CEP164: variants seen among roughly 807,000 people sequenced by gnomAD.
CEP164 encodes the protein centrosomal protein 164.
In CEP164, 162 loss-of-function variants were observed where a neutral mutation model predicts 182.7. That is an observed-to-expected ratio of 0.89 (90% CI 0.78 to 1.01). The LOEUF (loss-of-function observed/expected upper bound fraction) is 1.01. Ranked by LOEUF, CEP164 falls within the 50% of genes least tolerant of loss-of-function variation. The pLI is 0.00. For synonymous variants in CEP164, 661 were observed against 690.0 expected (o/e 0.96, Z 0.66); for missense variants, 1,735 against 1,790.4 (o/e 0.97, Z 0.56).
chr11:117,381,844 T>C lies in CEP164; in HGVS notation c.1553T>C (p.Leu518Pro). ...EELGEDSAAS[L>P]SLQLSLQREQ... ...CTTGGGGAGGACTCTGCAGCCAGCC[T>C]CAGCCTGCAGCTGTCCCTCCAGAGG... is the stretch of plus-strand genomic sequence containing the variant. The change falls in exon 13 of 33, where the codon CTC (leucine) becomes CCC (proline). Residue 518 changes from leucine (L) to proline (P), a missense_variant. Transcript: ENST00000278935. The C allele has an allele frequency of 6.6e-7, 1 of 1,523,978 alleles. No individual in the cohort carries two copies. The highest frequency in any genetic ancestry group is 8.8e-7 in the Non-Finnish European group (1 of 1,134,636). The allele number at this position is 1,523,978 out of a possible 1,614,324, so 94.4% of individuals were successfully genotyped here.
upstream of CEP164, among the ~76,000 whole-genome samples, chr11:117,327,020 G>T (rs529469938): frequency 6.6e-5 from 10 of 152,360 alleles, no homozygotes; most frequent in African/African-American, 2.4e-4. Flanking sequence ...CTGCCCGACA[G>T]GGTGTGTGGA....
At chr11:117,355,701 G>A (rs1237857190) in intron 5 of CEP164, 3 of 1,188,172 alleles carry the variant, frequency 2.5e-6, no homozygotes, top group Non-Finnish European at 3.2e-6. Context: ...GGGAGGAGGA[G>A]GAGAGAACCT....
At chr11:117,322,152 G>GT (rs1220144693) in intron 1 of CEP164, among the ~76,000 whole-genome samples, 2 of 152,294 alleles carry the variant, frequency 1.3e-5, no homozygotes, top group Admixed American at 1.3e-4. Flanking sequence ...GTCTCGCTCT[G>GT]TTGCCCAGGT....
chr11:117,412,319 G>A lies in CEP164; in HGVS notation c.*151G>A, dbSNP rs773084240. On this transcript the variant is annotated 3_prime_UTR_variant, in exon 33 of 33. Transcript: ENST00000278935. ...AGGGACCAGGGGGTTGAGTGGAACA[G>A]TAAAGCCACACATTCTGTGACTATA... 148 of 622,738 alleles carry A rather than the reference G, an allele frequency of 2.4e-4. No homozygotes were observed. Among genetic ancestry groups the A allele is most frequent in the Non-Finnish European group, 3.6e-4 (131 of 359,466 alleles). 38.6% of individuals were successfully genotyped at this position (622,738 alleles called of 1,614,324 possible).
intron 11 of CEP164, among the ~76,000 whole-genome samples, chr11:117,379,301 A>G (rs1264141343): frequency 6.6e-6 from 1 of 152,126 alleles, no homozygotes; most frequent in Non-Finnish European, 1.5e-5. Flanking sequence ...ACCCATCCAG[A>G]TGGCAGGGTT....
chr11:117,397,392 C>A, intron 27 of CEP164, 79 bp downstream of exon 27: 1 of 1,371,576 alleles, frequency 7.3e-7, no homozygotes, highest in African/African-American at 1.4e-5. Flanking sequence ...TTTGGGCTCC[C>A]CCTCAGTTGG....
chr11:117,355,586 G>C (rs770324860), intron 5 of CEP164: 75 of 1,210,492 alleles, frequency 6.2e-5, no homozygotes, highest in Non-Finnish European at 7.8e-5. Flanking sequence ...TTGTTCTTCC[G>C]GCCACATGTT....
At chr11:117,364,999 A>G (rs1195386993) in intron 8 of CEP164, among the ~76,000 whole-genome samples, 1 of 152,180 alleles carries the variant, frequency 6.6e-6, no homozygotes, top group Non-Finnish European at 1.5e-5. Context: ...CCTAGTCTGG[A>G]AGGATTAAAT....
At chr11:117,337,537 C>T (rs984028485) in intron 2 of CEP164, among the ~76,000 whole-genome samples, 1 of 129,016 alleles carries the variant, frequency 7.8e-6, no homozygotes, top group African/African-American at 3.0e-5. Flanking sequence ...AAAATATATA[C>T]ATATGTGAAT....
rs192814657 is a variant in CEP164, at chr11:117,335,627, G to A, written c.-75G>A. ...CAGGAGAAATAACTTTATTTGGACTGAGAGCTGGAGAATGAGAATAGGACC... is the reference window on the plus strand; with the variant it reads ...CAGGAGAAATAACTTTATTTGGACTAAGAGCTGGAGAATGAGAATAGGACC... On this transcript the variant is annotated 5_prime_UTR_variant, in exon 2 of 33. Transcript: ENST00000278935. 1 of 146,640 alleles carries A rather than the reference G, an allele frequency of 6.8e-6. No homozygotes were observed. Among genetic ancestry groups the A allele is most frequent in the Non-Finnish European group, 1.5e-5 (1 of 67,186 alleles). The allele number at this position is 146,640 out of a possible 1,614,324, so 9.1% of individuals were successfully genotyped here.
rs759899672 is a variant in CEP164, at chr11:117,409,859, G to A, written c.3990G>A (p.Thr1330=). 39 of 1,333,284 alleles carry A rather than the reference G, an allele frequency of 2.9e-5. No individual in the cohort carries two copies. Among genetic ancestry groups the A allele is most frequent in the Non-Finnish European group, 3.3e-5 (34 of 1,015,312 alleles). 82.6% of individuals were successfully genotyped at this position (1,333,284 alleles called of 1,614,324 possible). Residue 1330 remains threonine (T), a synonymous_variant, in exon 30 of 33, where the codon ACG becomes ACA. Coordinates refer to ENST00000278935, the MANE Select transcript of CEP164 (RefSeq NM_014956.5). This position sits in a 1 kb window ranked among gnomAD's most constrained non-coding sequence, Gnocchi z 4.4. ...CAGCCTTATCATCTGCTACACCCACGTCCACCCAATGGGCCTGGGATTCAG... is the reference window on the plus strand; with the variant it reads ...CAGCCTTATCATCTGCTACACCCACATCCACCCAATGGGCCTGGGATTCAG... ...RFSALSSATP[T]STQWAWDSGQ...
intron 8 of CEP164, among the ~76,000 whole-genome samples, chr11:117,370,287 G>A (rs574407026): frequency 3.3e-5 from 5 of 152,110 alleles, no homozygotes; most frequent in African/African-American, 4.8e-5. Context: ...CTTTAGGGGC[G>A]AAGAGGACTC....
At chr11:117,402,342 T>C (rs2046240844) in intron 27 of CEP164, among the ~76,000 whole-genome samples, 1 of 151,928 alleles carries the variant, frequency 6.6e-6, no homozygotes, top group Non-Finnish European at 1.5e-5. Context: ...TGCTTCAGCC[T>C]CCTGAGTAGC....
At chr11:117,375,109 A>C (rs2042599893) in intron 10 of CEP164, among the ~76,000 whole-genome samples, 1 of 152,238 alleles carries the variant, frequency 6.6e-6, no homozygotes, top group Admixed American at 6.5e-5. Context: ...AACGAGCTGG[A>C]AAGAGCCCAC....
Position 117,336,091 on chromosome 11 carries a change from G to T in CEP164, c.-22+411G>T, listed in dbSNP as rs138604381. Among the ~76,000 whole-genome samples, 369 of 152,028 alleles carry T rather than the reference G, an allele frequency of 2.4e-3. 13 individuals carry two copies. In the South Asian group the frequency reaches 0.05, roughly 21 times the overall value. On this transcript the variant is annotated intron_variant, in intron 2 of 32. Transcript: ENST00000278935. ...CAGCAGGGTGAGGCTCAGGTTGGGGGTGGGGTGGGGGGAGCACAAGGGCTA... is the reference window on the plus strand; with the variant it reads ...CAGCAGGGTGAGGCTCAGGTTGGGGTTGGGGTGGGGGGAGCACAAGGGCTA...
rs370572334 is a variant in CEP164, at chr11:117,396,600, A to C, written c.3267A>C (p.Leu1089Phe). The C allele has an allele frequency of 9.9e-6, 16 of 1,613,284 alleles. No individual in the cohort carries two copies. Among genetic ancestry groups the C allele is most frequent in the Non-Finnish European group, 1.4e-5 (16 of 1,179,352 alleles). ...CTCTCTCCCAGAGCAAGGAGGACTTATACTTGGACAGGTGAGTTCCCATAG... is the reference window on the plus strand; with the variant it reads ...CTCTCTCCCAGAGCAAGGAGGACTTCTACTTGGACAGGTGAGTTCCCATAG... The part of the protein sequence containing the change: ...SSSLSQSKED[L>F]YLDSLSSHNV... The change falls in exon 26 of 33, where the codon TTA becomes TTC. Residue 1089 changes from leucine to phenylalanine, a missense_variant. By Grantham distance (22) the Leu-to-Phe change is conservative (BLOSUM62 0). Coordinates refer to ENST00000278935, the MANE Select transcript of CEP164 (RefSeq NM_014956.5).
intron 23 of CEP164, 63 bp from the exon 24 acceptor site, chr11:117,395,484 G>A: frequency 6.5e-7 from 1 of 1,528,562 alleles, no homozygotes; most frequent in South Asian, 1.3e-5. Context: ...CTCTCGTGCT[G>A]TCTGCTCCCT....
rs555341166 is a variant in CEP164 at position 117,380,543 on chromosome 11, G to A, written c.1318-71G>A. 1.6e-4 allele frequency: 207 copies of A among 1,261,564 alleles called. 1 individual carries two copies. The highest frequency in any genetic ancestry group is 2.3e-4 in the Non-Finnish European group (202 of 886,272). 78.1% of individuals were successfully genotyped at this position (1,261,564 alleles called of 1,614,324 possible). A position where few individuals can be genotyped will look rare whatever the true frequency, so the allele number is the denominator to read the frequency against. On this transcript the variant is annotated intron_variant, in intron 11 of 32. Transcript: ENST00000278935. ...TCAGTGCTTTCGTCTAAGCTTGAGA[G>A]CCAGCAGGAGGATGGAGGGACCCAA... is the stretch of plus-strand genomic sequence containing the variant.
Position 117,395,564 on chromosome 11 carries a change from T to G in CEP164, c.2931T>G (p.His977Gln). 1.2e-6 allele frequency: 2 copies of G among 1,612,154 alleles called. No homozygotes were observed. Among genetic ancestry groups the G allele is most frequent in the Non-Finnish European group, 1.7e-6 (2 of 1,179,078 alleles). ...GCCCCTAGGAAGCCACAGCCACCCA[T>G]CAGCAGCTGGAGGAGGCACAGAAGG... is the stretch of plus-strand genomic sequence containing the variant. ...ALKSEEATAT[H>Q]QQLEEAQKEH... Residue 977 changes from histidine to glutamine, a missense_variant, in exon 24 of 33, where the codon CAT becomes CAG. Physicochemically the swap from His to Gln is conservative, Grantham distance 24 (BLOSUM62 0). Transcript: ENST00000278935.
Sources: gnomAD v4.1 joint callset for allele counts (sites outside exome capture counted in the v4.1 genomes callset) on GRCh38, gnomAD v4.1.1 for gene constraint, Gnocchi (gnomAD v3.1) non-coding constraint, MANE v1.5 for transcripts, NCBI Gene and HGNC (gene_info 2026-07-23, HGNC 2026-07-21) for gene names.